The following ZRANB3 variants were observed in gnomAD, a reference collection of about 807,000 sequenced individuals.
The protein encoded by ZRANB3 is DNA annealing helicase and endonuclease ZRANB3.
A neutral mutation model predicts 133.8 loss-of-function variants in ZRANB3; 125 were observed. The ratio of observed to expected loss-of-function variants is 0.93; its 90% CI spans 0.81 to 1.08. The LOEUF is 1.08. ZRANB3 is among the 50% of genes least tolerant of loss of function. The pLI is 0.00. For synonymous variants in ZRANB3, 387 were observed against 432.7 expected, an observed-to-expected ratio of 0.89 and a Z score of 1.31; for missense variants, 1,229 against 1,275.5, an observed-to-expected ratio of 0.96 and a Z score of 0.56.
intron 2 of ZRANB3, among the ~76,000 whole-genome samples, chr2:135,472,680 G>A (rs1691323610): frequency 6.6e-6 from 1 of 152,104 alleles, no homozygotes; most frequent in Admixed American, 6.6e-5. Context: ...ATATTCTCAT[G>A]GAAGGCAGAG....
At chr2:135,437,054 G>A (rs1211103337) in intron 2 of ZRANB3, among the ~76,000 whole-genome samples, 2 of 152,162 alleles carry the variant, frequency 1.3e-5, no homozygotes, top group East Asian at 3.9e-4. Context: ...CCACCTCCTG[G>A]GTTCAAGCGA....
Position 135,357,844 on chromosome 2 carries a change from G to A in ZRANB3, c.181-4216C>T, listed in dbSNP as rs1685506488. On this transcript the variant is annotated intron_variant, in intron 3 of 20. Coordinates refer to ENST00000264159, the MANE Select transcript of ZRANB3 (RefSeq NM_032143.4). ...TCTAATTTAACACCAGATATCTTGA[G>A]TAAAAAATTCACAGAAGCTTTGGGT... Among the ~76,000 whole-genome samples, 2 of 152,284 alleles carry A rather than the reference G, an allele frequency of 1.3e-5. 1 individual carries two copies. Among genetic ancestry groups the A allele is most frequent in the African/African-American group, 4.8e-5 (2 of 41,562 alleles).
chr2:135,329,968 G>A (rs1290290414), intron 6 of ZRANB3, among the ~76,000 whole-genome samples: 5 of 152,112 alleles, frequency 3.3e-5, no homozygotes, highest in Non-Finnish European at 5.9e-5. Context: ...AGACAGTGGG[G>A]TTTTCTAAAT....
At chr2:135,519,312 A>G (rs1693826074) in intron 1 of ZRANB3, among the ~76,000 whole-genome samples, 1 of 152,128 alleles carries the variant, frequency 6.6e-6, no homozygotes, top group Non-Finnish European at 1.5e-5. Context: ...GTGAATTTAC[A>G]ATGAACTCAA....
At chr2:135,271,412 AAG>A in intron 10 of ZRANB3, 1 of 475,988 alleles carries the variant, frequency 2.1e-6, no homozygotes, top group South Asian at 1.5e-5. Flanking sequence ...CAACACAATC[AAG>A]TAAGTGAAGG....
At chr2:135,338,305 C>A (rs572100843) in intron 6 of ZRANB3, among the ~76,000 whole-genome samples, 1 of 152,344 alleles carries the variant, frequency 6.6e-6, no homozygotes, top group East Asian at 1.9e-4. Context: ...GAGCTTCTAG[C>A]TAGTAACTCA....
intron 4 of ZRANB3, 69 bp from the exon 5 acceptor site, chr2:135,350,284 C>A: frequency 8.5e-7 from 1 of 1,173,904 alleles, no homozygotes. Context: ...ATACAACTCT[C>A]TTGGGAAAAA....
At chr2:135,220,858 ATT>A (rs1188098230) in intron 15 of ZRANB3, among the ~76,000 whole-genome samples, 12 of 140,628 alleles carry the variant, frequency 8.5e-5, no homozygotes, top group Non-Finnish European at 7.8e-5. Flanking sequence ...CTAGGAATTT[ATT>A]TTTTTTTTTT....
chr2:135,277,873 C>T (rs1229315746), intron 8 of ZRANB3, among the ~76,000 whole-genome samples: 1 of 147,716 alleles, frequency 6.8e-6, no homozygotes, highest in Non-Finnish European at 1.5e-5. Context: ...TGCAGTGAGC[C>T]GAGATTACAC....
chr2:135,455,266 G>A (rs1427345931), intron 2 of ZRANB3, among the ~76,000 whole-genome samples: 3 of 124,338 alleles, frequency 2.4e-5, no homozygotes, highest in African/African-American at 9.3e-5. Flanking sequence ...TTGGCTCACT[G>A]TAACCTCCAC....
chr2:135,470,503 T>C (rs1574152848), intron 2 of ZRANB3, among the ~76,000 whole-genome samples: 1 of 151,782 alleles, frequency 6.6e-6, no homozygotes, highest in East Asian at 2.0e-4. Context: ...CTGACCAATA[T>C]AGTGAAATCC....
At chr2:135,501,869 C>T (rs1031478175) in intron 2 of ZRANB3, among the ~76,000 whole-genome samples, 3 of 152,140 alleles carry the variant, frequency 2.0e-5, no homozygotes, top group Non-Finnish European at 4.4e-5. Context: ...GGCTGTCCCA[C>T]TATTAGCAAT....
Position 135,207,333 on chromosome 2 carries a change from A to T in ZRANB3, c.3009+101T>A. On this transcript the variant is annotated intron_variant, in intron 19 of 20. Transcript: ENST00000264159. ...TGGGTCCATTATTTTCTTTCCTTTT[A>T]TATATCTGAATATTCCCATGTTAAA... 2.2e-6 allele frequency: 3 copies of T among 1,381,952 alleles called. 1 individual carries two copies. In the South Asian group the frequency reaches 5.2e-5, roughly 24 times the overall value. The allele number at this position is 1,381,952 out of a possible 1,614,324, so 85.6% of individuals were successfully genotyped here.
chr2:135,284,929 T>C (rs1482705466), intron 8 of ZRANB3, among the ~76,000 whole-genome samples: 1 of 151,838 alleles, frequency 6.6e-6, no homozygotes, highest in Non-Finnish European at 1.5e-5. Context: ...CGCTGCAATC[T>C]CTGCCTCCTG....
intron 2 of ZRANB3, among the ~76,000 whole-genome samples, chr2:135,398,827 G>A (rs1170035893): frequency 6.6e-6 from 1 of 152,076 alleles, no homozygotes; most frequent in Non-Finnish European, 1.5e-5. Flanking sequence ...CCAGCATTTT[G>A]TCACTTTTTT....
intron 8 of ZRANB3, among the ~76,000 whole-genome samples, chr2:135,276,734 T>G (rs1360525686): frequency 6.6e-6 from 1 of 152,154 alleles, no homozygotes; most frequent in African/African-American, 2.4e-5. Flanking sequence ...AACAAAACTT[T>G]GGAAGCTAAA....
intron 6 of ZRANB3, among the ~76,000 whole-genome samples, chr2:135,328,833 A>T (rs908360138): frequency 6.6e-6 from 1 of 151,976 alleles, no homozygotes; most frequent in East Asian, 1.9e-4. Context: ...GCATTTTTTC[A>T]TGTGTCTGTT....
At chr2:135,204,411 TA>T (rs1693765778) in intron 19 of ZRANB3, among the ~76,000 whole-genome samples, 1 of 152,008 alleles carries the variant, frequency 6.6e-6, no homozygotes, top group South Asian at 2.1e-4. Context: ...ACAGACTCAA[TA>T]ATTCAGAAGA....
intron 3 of ZRANB3, among the ~76,000 whole-genome samples, chr2:135,361,653 A>G (rs1255044151): frequency 6.6e-6 from 1 of 152,228 alleles, no homozygotes; most frequent in East Asian, 1.9e-4. Flanking sequence ...TGTCTTTAAA[A>G]TAGGTGGCCT....
Sources: allele counts gnomAD v4.1 joint callset (sites outside exome capture counted in the v4.1 genomes callset), GRCh38; gene constraint gnomAD v4.1.1; transcripts MANE v1.5; gene names NCBI Gene and HGNC (gene_info 2026-07-23, HGNC 2026-07-21).